The following FHIT variants were observed in gnomAD, a reference collection of about 807,000 sequenced individuals.
FHIT encodes the protein fragile histidine triad diadenosine triphosphatase.
FHIT carries 19 observed loss-of-function variants against 17.9 expected under a neutral mutation model. The ratio of observed to expected loss-of-function variants is 1.06; its 90% CI spans 0.74 to 1.56. FHIT has a LOEUF of 1.56. Among genes scored for constraint, FHIT ranks in the 40% most tolerant of loss-of-function variants. The pLI is 0.00. For missense variants in FHIT, 248 were observed against 189.2 expected (o/e 1.31, Z -1.82); for synonymous variants, 81 against 69.7 (o/e 1.16, Z -0.81).
intron 8 of FHIT, among the ~76,000 whole-genome samples, chr3:59,857,707 T>TTTTTTTTG (rs1454374657): frequency 4.2e-5 from 6 of 143,044 alleles, no homozygotes; most frequent in South Asian, 2.2e-4. Context: ...AGTGCTGGGT[T>TTTTTTTTG]TTTTTTTTTT....
intron 5 of FHIT, among the ~76,000 whole-genome samples, chr3:60,232,802 G>A (rs141349659): frequency 6.6e-6 from 1 of 152,166 alleles, no homozygotes; most frequent in African/African-American, 2.4e-5. Context: ...CTAAAGCCAT[G>A]TCATATACAA....
intron 5 of FHIT, among the ~76,000 whole-genome samples, chr3:60,337,136 A>G (rs934763780): frequency 3.3e-5 from 5 of 152,206 alleles, no homozygotes; most frequent in African/African-American, 1.2e-4. Flanking sequence ...TAAGTTCACA[A>G]TTGAGACAAC....
chr3:60,340,884 G>C (rs1710482339), intron 5 of FHIT, among the ~76,000 whole-genome samples: 1 of 152,082 alleles, frequency 6.6e-6, no homozygotes, highest in South Asian at 2.1e-4. Context: ...TAGAGATGGG[G>C]TTTCACTATG....
At chr3:59,976,843 T>C (rs1366332185) in intron 7 of FHIT, among the ~76,000 whole-genome samples, 2 of 152,022 alleles carry the variant, frequency 1.3e-5, no homozygotes, top group Admixed American at 6.6e-5. Flanking sequence ...AACAAAGACA[T>C]CCTGACCCTC....
At chr3:60,292,939 G>A (rs1380811104) in intron 5 of FHIT, among the ~76,000 whole-genome samples, 2 of 152,228 alleles carry the variant, frequency 1.3e-5, no homozygotes, top group East Asian at 3.9e-4. Context: ...GTATAAGCAT[G>A]CCTAAATATA....
At chr3:60,840,092 T>TA (rs1189877494) in intron 3 of FHIT, among the ~76,000 whole-genome samples, 1 of 151,950 alleles carries the variant, frequency 6.6e-6, no homozygotes, top group Admixed American at 6.6e-5. Context: ...CTTCAGAGCC[T>TA]AAAGGCCTTG....
chr3:60,663,654 C>G (rs909694720), intron 4 of FHIT, among the ~76,000 whole-genome samples: 1 of 152,048 alleles, frequency 6.6e-6, no homozygotes, highest in East Asian at 1.9e-4. Flanking sequence ...CCAGGCTGGT[C>G]TCAAACTCTT....
rs543283697 is a variant in FHIT at position 60,632,073 on chromosome 3, G to C, written c.-17-95094C>G. Among the ~76,000 whole-genome samples, 27 of 129,650 alleles carry C rather than the reference G, an allele frequency of 2.1e-4. No individual in the cohort carries two copies. In the South Asian group the frequency reaches 3.3e-3, roughly 16 times the overall value. The allele number at this position is 129,650 out of a possible 152,430, so 85.1% of individuals were successfully genotyped here. ...ATGTGCTCTTGGCTGGGGAGAATTT[G>C]GGAAAGAAGTGTTTTTTTTTTGTTT... On this transcript the variant is annotated intron_variant, in intron 4 of 9. Coordinates refer to ENST00000492590, the MANE Select transcript of FHIT (RefSeq NM_002012.4).
rs535699925 is a variant in FHIT, at chr3:59,807,323, G to T, written c.349-55002C>A. On this transcript the variant is annotated intron_variant, in intron 8 of 9. Coordinates refer to ENST00000492590, the MANE Select transcript of FHIT (RefSeq NM_002012.4). ...TTAACCCTAGTGAGGAAGATGTCCTGCCTGGTTAACTTCCAGCTCAGTGGG... is the reference window on the plus strand; with the variant it reads ...TTAACCCTAGTGAGGAAGATGTCCTTCCTGGTTAACTTCCAGCTCAGTGGG... Among the ~76,000 whole-genome samples the T allele has an allele frequency of 6.6e-5, 10 of 152,278 alleles. No homozygotes were observed. The South Asian group carries it at 1.7e-3, about 25-fold the overall frequency.
rs1023100465 is a variant in FHIT at position 61,236,140 on chromosome 3, C to T, written c.-213+15161G>A. ...TATAAATATAGTATGTAACAATATA[C>T]TATATTTACTATATGTATTATAACA... On this transcript the variant is annotated intron_variant, in intron 1 of 9. Coordinates refer to ENST00000492590, the MANE Select transcript of FHIT (RefSeq NM_002012.4). Among the ~76,000 whole-genome samples, 266 of 148,074 alleles carry T rather than the reference C, an allele frequency of 1.8e-3. 5 individuals are homozygous for T. The highest frequency in any genetic ancestry group is 0.011 in the Middle Eastern group (3 of 278).
At chr3:60,559,688 T>C (rs898508095) in intron 4 of FHIT, among the ~76,000 whole-genome samples, 7 of 152,098 alleles carry the variant, frequency 4.6e-5, no homozygotes, top group African/African-American at 1.4e-4. Flanking sequence ...ACTGAGAAGA[T>C]GGAAAGCATA....
At chr3:59,878,668 A>C (rs369464566) in intron 8 of FHIT, among the ~76,000 whole-genome samples, 2 of 152,332 alleles carry the variant, frequency 1.3e-5, no homozygotes, top group South Asian at 4.1e-4. Context: ...AGTGCAAGAA[A>C]AACAATATAA....
intron 3 of FHIT, among the ~76,000 whole-genome samples, chr3:60,891,424 A>G (rs1366245050): frequency 1.3e-5 from 2 of 152,102 alleles, no homozygotes; most frequent in Non-Finnish European, 2.9e-5. Context: ...TCTCACCAAT[A>G]CTATTGGAAA....
chr3:60,548,350 A>G (rs974106351), intron 4 of FHIT, among the ~76,000 whole-genome samples: 3 of 152,154 alleles, frequency 2.0e-5, no homozygotes, highest in African/African-American at 7.2e-5. Context: ...ATATAAGCCT[A>G]TATCTGTCAT....
At chr3:60,089,376 G>T (rs1372070405) in intron 5 of FHIT, among the ~76,000 whole-genome samples, 1 of 152,044 alleles carries the variant, frequency 6.6e-6, no homozygotes, top group East Asian at 1.9e-4. Context: ...GTGGGGGAAG[G>T]AACCATGATT....
chr3:59,802,383 TC>T (rs1700031335), intron 8 of FHIT, among the ~76,000 whole-genome samples: 1 of 152,058 alleles, frequency 6.6e-6, no homozygotes, highest in Non-Finnish European at 1.5e-5. Flanking sequence ...ATCCATCATA[TC>T]CCCTGTGACC....
intron 5 of FHIT, among the ~76,000 whole-genome samples, chr3:60,055,924 C>T (rs1702063088): frequency 6.6e-6 from 1 of 152,192 alleles, no homozygotes; most frequent in Non-Finnish European, 1.5e-5. Context: ...TTCCTGTCAG[C>T]TGGCCAAGAT....
intron 3 of FHIT, among the ~76,000 whole-genome samples, chr3:60,918,028 A>T (rs1707094351): frequency 6.6e-6 from 1 of 152,182 alleles, no homozygotes; most frequent in African/African-American, 2.4e-5. Context: ...CTAGGTGGAG[A>T]TAATTGAATC....
At chr3:60,377,542 C>T (rs1023588407) in intron 5 of FHIT, among the ~76,000 whole-genome samples, 1 of 125,184 alleles carries the variant, frequency 8.0e-6, no homozygotes, top group Admixed American at 1.0e-4. Context: ...ACTGCAGTGG[C>T]GCAATCTCGG....
Sources: allele counts gnomAD v4.1 joint callset (sites outside exome capture counted in the v4.1 genomes callset), GRCh38; gene constraint gnomAD v4.1.1; transcripts MANE v1.5; gene names NCBI Gene and HGNC (gene_info 2026-07-23, HGNC 2026-07-21).